The following SOX5 variants were observed in gnomAD, a reference collection of about 807,000 sequenced individuals.
SOX5 encodes the protein transcription factor SOX-5.
A neutral mutation model predicts 92.0 loss-of-function variants in SOX5; 9 were observed. The ratio of observed to expected loss-of-function variants is 0.10; its 90% CI spans 0.06 to 0.17. The LOEUF (loss-of-function observed/expected upper bound fraction) is 0.17. Among genes scored for constraint, SOX5 ranks in the 10% least tolerant of loss-of-function variants. SOX5 has a pLI of 1.00. For missense variants in SOX5, 642 were observed against 944.5 expected, an observed-to-expected ratio of 0.68 and a Z score of 4.20; for synonymous variants, 344 against 336.3, an observed-to-expected ratio of 1.02 and a Z score of -0.25.
At chr12:24,259,264 A>G (rs1941732502) in intron 3 of SOX5, among the ~76,000 whole-genome samples, 1 of 152,156 alleles carries the variant, frequency 6.6e-6, no homozygotes, top group South Asian at 2.1e-4. Context: ...GAGCGCGCAC[A>G]TGGTTTTGCA....
chr12:24,290,258 C>A (rs1946471867), intron 2 of SOX5, among the ~76,000 whole-genome samples: 2 of 152,132 alleles, frequency 1.3e-5, no homozygotes, highest in African/African-American at 2.4e-5. Flanking sequence ...ATTTTGATAT[C>A]TTAGTCAGTA....
rs374209963 is a variant in SOX5 at position 24,549,670 on chromosome 12, A to C, written c.-251+12659T>G. Among the ~76,000 whole-genome samples the C allele has an allele frequency of 3.8e-4, 58 of 152,286 alleles. No individual in the cohort carries two copies. In the South Asian group the frequency reaches 0.012, roughly 31 times the overall value. On this transcript the variant is annotated intron_variant, in intron 1 of 4. Coordinates refer to the SOX5 transcript ENST00000446891. ...ATCTGAAAATCTCTGTTCAGCTTGA[A>C]CCAGATCACAAGCAAATTATTCTTG...
intron 4 of SOX5, among the ~76,000 whole-genome samples, chr12:24,191,898 A>G (rs1282880073): frequency 3.3e-5 from 5 of 152,226 alleles, no homozygotes; most frequent in South Asian, 2.1e-4. Flanking sequence ...TCAAAGCTCT[A>G]TCATACAGAA....
intron 3 of SOX5, among the ~76,000 whole-genome samples, chr12:24,242,223 GT>G (rs1414724551): frequency 6.6e-6 from 1 of 152,162 alleles, no homozygotes; most frequent in Non-Finnish European, 1.5e-5. Context: ...CTATACACTG[GT>G]TAGAAGCTAT....
chr12:23,530,043 T>G lies in SOX5; in HGVS notation c.*4176A>C, dbSNP rs998233675. 6.6e-6 allele frequency: 1 copy of G among 152,166 alleles called. No homozygotes were observed. Among genetic ancestry groups the G allele is most frequent in the East Asian group, 1.9e-4 (1 of 5,202 alleles). 9.4% of individuals were successfully genotyped at this position (152,166 alleles called of 1,614,324 possible). On this transcript the variant is annotated 3_prime_UTR_variant, in exon 15 of 15. Transcript: ENST00000451604. ...CATCGTCTTCAACCTGGGAAGTTGA[T>G]AGTTATAGGATACTTTAAAATTAAA...
chr12:23,599,755 T>C (rs1001350162), intron 9 of SOX5, among the ~76,000 whole-genome samples: 12 of 152,214 alleles, frequency 7.9e-5, no homozygotes, highest in Admixed American at 3.9e-4. Flanking sequence ...TATTCATAAC[T>C]AACAATTATA....
At chr12:23,796,664 A>T (rs2095565565) in intron 3 of SOX5, among the ~76,000 whole-genome samples, 1 of 151,878 alleles carries the variant, frequency 6.6e-6, no homozygotes, top group South Asian at 2.1e-4. Context: ...ATGAAGACCA[A>T]TTGTTCCTAA....
intron 4 of SOX5, among the ~76,000 whole-genome samples, chr12:24,200,933 C>T (rs1957454889): frequency 6.6e-6 from 1 of 152,190 alleles, no homozygotes; most frequent in Admixed American, 6.5e-5. Context: ...AATTCAGTTG[C>T]TGCTCAAGGT....
intron 2 of SOX5, among the ~76,000 whole-genome samples, chr12:24,358,157 G>T (rs984191442): frequency 6.6e-6 from 1 of 152,164 alleles, no homozygotes; most frequent in African/African-American, 2.4e-5. Flanking sequence ...GGTTTTCTGA[G>T]TTTCTTACTA....
intron 4 of SOX5, among the ~76,000 whole-genome samples, chr12:23,987,338 C>G (rs543982972): frequency 1.3e-5 from 2 of 152,200 alleles, no homozygotes; most frequent in Admixed American, 6.5e-5. Flanking sequence ...CAGCCATACA[C>G]AGAGTGGTAG....
intron 3 of SOX5, among the ~76,000 whole-genome samples, chr12:23,775,773 T>C (rs967658299): frequency 6.6e-6 from 1 of 152,194 alleles, no homozygotes; most frequent in African/African-American, 2.4e-5. Flanking sequence ...TATTTGCACT[T>C]TTAGGGCACT....
chr12:23,666,101 C>T lies in SOX5; in HGVS notation c.811-537G>A, dbSNP rs571991945. 8.6e-5 allele frequency among the ~76,000 whole-genome samples: 13 copies of T among 151,142 alleles called. No homozygotes were observed. The South Asian group carries it at 2.5e-3, about 29-fold the overall frequency. Reference sequence around the variant, plus strand: ...ACCTGGAAGAAAGATTACAGAATAGCTAAAACTTTACTCTTTTTTTTTTTT... The same window carrying T: ...ACCTGGAAGAAAGATTACAGAATAGTTAAAACTTTACTCTTTTTTTTTTTT... On this transcript the variant is annotated intron_variant, in intron 6 of 14. Coordinates refer to ENST00000451604, the MANE Select transcript of SOX5 (RefSeq NM_006940.6).
At chr12:23,989,604 T>G (rs1434014425) in intron 4 of SOX5, among the ~76,000 whole-genome samples, 1 of 152,136 alleles carries the variant, frequency 6.6e-6, no homozygotes, top group East Asian at 1.9e-4. Flanking sequence ...GTGTGACCTT[T>G]GAGAGGTACT....
intron 3 of SOX5, among the ~76,000 whole-genome samples, chr12:23,764,060 G>A (rs960367184): frequency 1.3e-5 from 2 of 152,032 alleles, no homozygotes; most frequent in African/African-American, 2.4e-5. Flanking sequence ...TAGTTACAAT[G>A]AGAAGGGTGA....
At chr12:23,607,017 G>T (rs1255400009) in intron 8 of SOX5, among the ~76,000 whole-genome samples, 1 of 152,144 alleles carries the variant, frequency 6.6e-6, no homozygotes, top group African/African-American at 2.4e-5. Context: ...TTCAGTTCGA[G>T]GATGGCTAAC....
chr12:24,345,670 T>G (rs1446445597), intron 2 of SOX5, among the ~76,000 whole-genome samples: 1 of 152,196 alleles, frequency 6.6e-6, no homozygotes, highest in Non-Finnish European at 1.5e-5. Context: ...TTTGAAAGAA[T>G]TATGATGATT....
At chr12:24,106,319 T>C (rs1462339922) in intron 4 of SOX5, among the ~76,000 whole-genome samples, 1 of 152,138 alleles carries the variant, frequency 6.6e-6, no homozygotes, top group Non-Finnish European at 1.5e-5. Flanking sequence ...CCTCAAGTCA[T>C]TGCTGAAAAA....
intron 4 of SOX5, among the ~76,000 whole-genome samples, chr12:24,105,195 T>A (rs922812886): frequency 6.6e-6 from 1 of 152,156 alleles, no homozygotes; most frequent in Non-Finnish European, 1.5e-5. Context: ...GTTCATACTA[T>A]CAGTTTTTCA....
chr12:23,599,660 T>C (rs1243940535), intron 9 of SOX5, among the ~76,000 whole-genome samples: 4 of 152,196 alleles, frequency 2.6e-5, no homozygotes, highest in Non-Finnish European at 5.9e-5. Context: ...ACTTTTACAA[T>C]GGCAGAACAC....
Sources: gnomAD v4.1 joint callset for allele counts (sites outside exome capture counted in the v4.1 genomes callset) on GRCh38, gnomAD v4.1.1 for gene constraint, MANE v1.5 for transcripts, NCBI Gene and HGNC (gene_info 2026-07-23, HGNC 2026-07-21) for gene names.